EHBP1: variants seen among roughly 807,000 people sequenced by gnomAD.
EHBP1 encodes EH domain-binding protein 1.
A neutral mutation model predicts 144.0 loss-of-function variants in EHBP1; 55 were observed. That is an observed-to-expected ratio of 0.38 (90% CI 0.31 to 0.48). The LOEUF is 0.48. Among genes scored for constraint, EHBP1 ranks in the 20% least tolerant of loss-of-function variants. The pLI, the probability that EHBP1 is intolerant of heterozygous loss-of-function variation, is 0.98. For synonymous variants in EHBP1, 469 were observed against 472.7 expected (o/e 0.99, Z 0.10); for missense variants, 1,200 against 1,364.2 (o/e 0.88, Z 1.90).
intron 5 of EHBP1, among the ~76,000 whole-genome samples, chr2:62,794,007 T>C (rs1194288017): frequency 6.6e-6 from 1 of 152,142 alleles, no homozygotes; most frequent in Non-Finnish European, 1.5e-5. Context: ...TTTCTTATCT[T>C]TGCTCTCCTA....
chr2:62,753,110 A>C (rs562374571), intron 3 of EHBP1, among the ~76,000 whole-genome samples: 69 of 152,222 alleles, frequency 4.5e-4, no homozygotes, highest in African/African-American at 1.6e-3. Flanking sequence ...TGGTCTTTAC[A>C]ATTTGGCATG....
chr2:63,022,300 T>C (rs906623499), intron 19 of EHBP1, among the ~76,000 whole-genome samples: 2 of 151,624 alleles, frequency 1.3e-5, no homozygotes, highest in Non-Finnish European at 2.9e-5. Flanking sequence ...CTTTCCTCCT[T>C]CCTCCTCCTC....
At position 62,948,558 on chromosome 2, in the gene EHBP1, A is replaced by T; in HGVS notation, c.1712A>T (p.Asp571Val). ...ELQQPISGAV[D>V]FLSQDDSVFV... ...CAACAGCCTATCAGCGGAGCAGTAGACTTCTTATCACAGGATGACTCTGTA... is the reference window on the plus strand; with the variant it reads ...CAACAGCCTATCAGCGGAGCAGTAGTCTTCTTATCACAGGATGACTCTGTA... Residue 571 changes from aspartate to valine, a missense_variant, in exon 13 of 23, where the codon GAC (aspartate) becomes GTC (valine). This residue lies in a region of EHBP1 where 543 missense variants were observed against 513.1 expected (regional missense o/e 1.06). Coordinates refer to ENST00000431489, the MANE Select transcript of EHBP1 (RefSeq NM_001142616.3). 1 of 1,614,116 alleles carries T rather than the reference A, an allele frequency of 6.2e-7. No homozygotes were observed. Among genetic ancestry groups the T allele is most frequent in the Non-Finnish European group, 8.5e-7 (1 of 1,179,996 alleles).
chr2:62,857,967 T>C (rs1488624906), intron 7 of EHBP1, among the ~76,000 whole-genome samples: 1 of 152,118 alleles, frequency 6.6e-6, no homozygotes, highest in Non-Finnish European at 1.5e-5. Flanking sequence ...ATATAATCCA[T>C]GCATTTATAT....
At chr2:62,683,469 C>T (rs2033602903) in intron 1 of EHBP1, among the ~76,000 whole-genome samples, 1 of 151,900 alleles carries the variant, frequency 6.6e-6, no homozygotes, top group Admixed American at 6.6e-5. Context: ...ACCATCCTGG[C>T]TAACACGGTG....
intron 2 of EHBP1, 81 bp from the exon 3 acceptor site, chr2:62,747,314 A>G: frequency 8.0e-7 from 1 of 1,252,834 alleles, no homozygotes; most frequent in Non-Finnish European, 1.1e-6. Context: ...AGCAGATGAC[A>G]TTTTTGCCCT....
chr2:63,021,835 C>A (rs977147612), intron 19 of EHBP1, among the ~76,000 whole-genome samples: 2 of 151,740 alleles, frequency 1.3e-5, no homozygotes, highest in African/African-American at 4.8e-5. Flanking sequence ...GGCTCGATAT[C>A]TGCTCACTAC....
chr2:62,974,388 G>A (rs139364027), intron 14 of EHBP1, among the ~76,000 whole-genome samples: 15 of 152,262 alleles, frequency 9.9e-5, no homozygotes, highest in African/African-American at 3.6e-4. Flanking sequence ...AGTAGTACAT[G>A]TGTATTATAG....
At chr2:62,702,818 G>A (rs1044399616), upstream of EHBP1, among the ~76,000 whole-genome samples, 1 of 152,100 alleles carries the variant, frequency 6.6e-6, no homozygotes, top group Non-Finnish European at 1.5e-5. Context: ...GTTACCATTT[G>A]ACTGTTTACT....
chr2:62,690,144 A>G (rs1387799400), intron 1 of EHBP1, among the ~76,000 whole-genome samples: 1 of 152,216 alleles, frequency 6.6e-6, no homozygotes, highest in Non-Finnish European at 1.5e-5. Flanking sequence ...TCTAGTTAAC[A>G]GTCACCTGCA....
At chr2:62,674,913 G>C (rs1011794732) in intron 1 of EHBP1, among the ~76,000 whole-genome samples, 1 of 152,190 alleles carries the variant, frequency 6.6e-6, no homozygotes, top group African/African-American at 2.4e-5. Flanking sequence ...TGCCAGGTGT[G>C]AGCCACCATA....
At chr2:62,941,722 C>T (rs1318995267) in intron 10 of EHBP1, among the ~76,000 whole-genome samples, 1 of 151,980 alleles carries the variant, frequency 6.6e-6, no homozygotes, top group Non-Finnish European at 1.5e-5. Context: ...TACTTGTTCT[C>T]TTTTCATTTT....
chr2:62,810,337 A>G (rs1186014917), intron 5 of EHBP1, among the ~76,000 whole-genome samples: 1 of 152,240 alleles, frequency 6.6e-6, no homozygotes. Context: ...AGACATGTCC[A>G]GAGGCTTTAG....
intron 7 of EHBP1, among the ~76,000 whole-genome samples, chr2:62,856,930 G>C (rs992654830): frequency 2.0e-5 from 3 of 152,200 alleles, no homozygotes; most frequent in Non-Finnish European, 4.4e-5. Context: ...ATGGTAGAGA[G>C]TGGCAGAAGA....
intron 5 of EHBP1, among the ~76,000 whole-genome samples, chr2:62,798,142 G>A (rs183433080): frequency 5.3e-5 from 8 of 152,232 alleles, no homozygotes; most frequent in African/African-American, 1.4e-4. Flanking sequence ...CGAGGGAGGC[G>A]GATCACTTAA....
chr2:62,920,634 G>C (rs1228138674), intron 10 of EHBP1, among the ~76,000 whole-genome samples: 1 of 152,024 alleles, frequency 6.6e-6, no homozygotes, highest in Non-Finnish European at 1.5e-5. Flanking sequence ...ATTAATTTAA[G>C]AGATTCAGGC....
At chr2:62,834,937 T>C (rs1165179730) in intron 7 of EHBP1, among the ~76,000 whole-genome samples, 2 of 152,242 alleles carry the variant, frequency 1.3e-5, no homozygotes, top group African/African-American at 4.8e-5. Flanking sequence ...AAGGGATGAC[T>C]GTATATGTAT....
intron 10 of EHBP1, among the ~76,000 whole-genome samples, chr2:62,907,081 G>A (rs200377896): frequency 1.2e-4 from 18 of 152,272 alleles, no homozygotes; most frequent in East Asian, 9.7e-4. Context: ...GGGCTCTTAT[G>A]GATAAAATGC....
chr2:62,871,138 C>T (rs939589826), intron 9 of EHBP1, among the ~76,000 whole-genome samples: 8 of 152,080 alleles, frequency 5.3e-5, no homozygotes, highest in Non-Finnish European at 1.0e-4. Context: ...TAGCCACACA[C>T]CTAGAATATT....
Sources: gnomAD v4.1 joint callset for allele counts (sites outside exome capture counted in the v4.1 genomes callset) on GRCh38, gnomAD v4.1.1 for gene constraint, gnomAD v4.1.1 regional missense constraint, MANE v1.5 for transcripts, NCBI Gene and HGNC (gene_info 2026-07-23, HGNC 2026-07-21) for gene names.